AFAP1L1: variants seen among roughly 807,000 people sequenced by gnomAD.
AFAP1L1 encodes actin filament-associated protein 1-like 1.
A neutral mutation model predicts 99.8 loss-of-function variants in AFAP1L1; 77 were observed. The observed-to-expected ratio is 0.77, with a 90% confidence interval of 0.64 to 0.93. The LOEUF (loss-of-function observed/expected upper bound fraction) is 0.93. AFAP1L1 is among the 40% of genes least tolerant of loss of function. The probability of loss-of-function intolerance (pLI) is 0.00; values close to 1 mark genes in which losing one functional copy is unlikely to be tolerated. For missense variants in AFAP1L1, 893 were observed against 996.8 expected, an observed-to-expected ratio of 0.90 and a Z score of 1.40; for synonymous variants, 373 against 395.3, an observed-to-expected ratio of 0.94 and a Z score of 0.67.
rs756338041 is a variant in AFAP1L1 at position 149,332,883 on chromosome 5, G to A, written c.2154+10G>A. Reference sequence around the variant, plus strand: ...CAAGCCCAAGAGTGGGGTGAGTCCAGGCCCTTCCATGCCAGGGGCAGCTAC... The same window carrying A: ...CAAGCCCAAGAGTGGGGTGAGTCCAAGCCCTTCCATGCCAGGGGCAGCTAC... On this transcript the variant is annotated intron_variant, in intron 17 of 18. Coordinates refer to ENST00000296721, the MANE Select transcript of AFAP1L1 (RefSeq NM_152406.4). 18 of 1,563,264 alleles carry A rather than the reference G, an allele frequency of 1.2e-5. No homozygotes were observed. Among genetic ancestry groups the A allele is most frequent in the Non-Finnish European group, 1.6e-5 (18 of 1,158,188 alleles).
At position 149,310,017 on chromosome 5, in the gene AFAP1L1, T is replaced by G. The variant is rs777317173; in HGVS notation, c.809T>G (p.Ile270Ser). The change falls in exon 8 of 19, where the codon ATC becomes AGC. Residue 270 changes from isoleucine to serine, a missense_variant. Coordinates refer to ENST00000296721, the MANE Select transcript of AFAP1L1 (RefSeq NM_152406.4). Reference sequence around the variant, plus strand: ...AGGTTGGCACTGGATACCTGCAGCATCATCTACGTGCCCAAGGACAGCCGG... The same window carrying G: ...AGGTTGGCACTGGATACCTGCAGCAGCATCTACGTGCCCAAGGACAGCCGG... Reference protein sequence around the residue: ...HLRLALDTCSIIYVPKDSRHK... With the variant: ...HLRLALDTCSSIYVPKDSRHK... The G allele has an allele frequency of 5.0e-6, 8 of 1,614,088 alleles. No individual in the cohort carries two copies. In the South Asian group the frequency reaches 8.8e-5, roughly 18 times the overall value.
intron 1 of AFAP1L1, chr5:149,276,614 T>C (rs1755334783): frequency 6.6e-6 from 1 of 152,208 alleles, no homozygotes; most frequent in Non-Finnish European, 1.5e-5. Context: ...AACCTACAAA[T>C]AATACCTAGC....
chr5:149,328,350 G>A (rs1757152222), intron 15 of AFAP1L1, among the ~76,000 whole-genome samples: 1 of 152,178 alleles, frequency 6.6e-6, no homozygotes, highest in Non-Finnish European at 1.5e-5. Context: ...TCCCTAAGAG[G>A]TTGAACTATG....
In AFAP1L1 at chr5:149,340,337, G is replaced by T; in HGVS notation, c.*307G>T. 3.2e-6 allele frequency: 1 copy of T among 312,546 alleles called. No homozygotes were observed. Among genetic ancestry groups the T allele is most frequent in the East Asian group, 5.2e-5 (1 of 19,322 alleles). The allele number at this position is 312,546 out of a possible 1,614,324, so 19.4% of individuals were successfully genotyped here. The stretch of plus-strand genomic sequence containing the variant: ...GTCTTTGCCTTCCCTTCTGAGGAAG[G>T]GAAGAAGTAATGAAAGCACATGTGA... On this transcript the variant is annotated 3_prime_UTR_variant, in exon 19 of 19. Transcript: ENST00000296721.
intron 9 of AFAP1L1, 108 bp from the exon 10 acceptor site, chr5:149,315,713 C>G (rs993108038): frequency 1.1e-5 from 10 of 869,622 alleles, no homozygotes; most frequent in Non-Finnish European, 1.7e-5. Context: ...CATTTGTTAG[C>G]TAATTATCAT....
chr5:149,317,125 A>G (rs1256218935), intron 11 of AFAP1L1, among the ~76,000 whole-genome samples: 1 of 152,238 alleles, frequency 6.6e-6, no homozygotes, highest in African/African-American at 2.4e-5. Flanking sequence ...TGATAGAGAC[A>G]CTGTATTCCA....
chr5:149,272,089 CG>C, intron 1 of AFAP1L1, 105 bp downstream of exon 1: 3 of 376,426 alleles, frequency 8.0e-6, no homozygotes, highest in East Asian at 8.2e-5. Flanking sequence ...GGCGGTGGGG[CG>C]GGGGCTGAGG....
chr5:149,318,720 C>T (rs1272731063), intron 12 of AFAP1L1, among the ~76,000 whole-genome samples: 2 of 152,216 alleles, frequency 1.3e-5, no homozygotes, highest in African/African-American at 4.8e-5. Context: ...TTCCACATGG[C>T]AACCCTTTGG....
At chr5:149,329,596 G>A (rs1757192385) in intron 15 of AFAP1L1, 70 bp from the exon 16 acceptor site, 2 of 1,461,092 alleles carry the variant, frequency 1.4e-6, no homozygotes, top group Non-Finnish European at 1.8e-6. Context: ...TGAAAGAGAA[G>A]CTGACACCAC....
At chr5:149,301,410 C>T (rs1234840424) in intron 4 of AFAP1L1, among the ~76,000 whole-genome samples, 180 bp downstream of exon 4, 1 of 152,100 alleles carries the variant, frequency 6.6e-6, no homozygotes, top group Non-Finnish European at 1.5e-5. Context: ...GTGATGTGCT[C>T]GCTGTGTGTT....
intron 1 of AFAP1L1, among the ~76,000 whole-genome samples, chr5:149,292,822 G>A (rs1755900100): frequency 6.6e-6 from 1 of 152,238 alleles, no homozygotes; most frequent in African/African-American, 2.4e-5. Context: ...GCAAAGACAG[G>A]AGATGGGGGC....
intron 3 of AFAP1L1, among the ~76,000 whole-genome samples, chr5:149,300,581 A>C (rs1756169708): frequency 6.6e-6 from 1 of 152,268 alleles, no homozygotes; most frequent in African/African-American, 2.4e-5. Flanking sequence ...ATGACCATGC[A>C]GTCCAAAGAA....
At chr5:149,338,889 T>G (rs1041412895) in intron 18 of AFAP1L1, among the ~76,000 whole-genome samples, 1 of 152,034 alleles carries the variant, frequency 6.6e-6, no homozygotes, top group Non-Finnish European at 1.5e-5. Context: ...GTCCCTGAAG[T>G]GGGAAAAAGC....
chr5:149,307,171 C>T (rs1365672209), intron 6 of AFAP1L1, among the ~76,000 whole-genome samples: 3 of 151,940 alleles, frequency 2.0e-5, no homozygotes, highest in Non-Finnish European at 4.4e-5. Flanking sequence ...CGCTTGAATT[C>T]GGGAGGTAGA....
At chr5:149,278,748 T>C (rs1297248157) in intron 1 of AFAP1L1, among the ~76,000 whole-genome samples, 3 of 152,184 alleles carry the variant, frequency 2.0e-5, no homozygotes, top group Middle Eastern at 3.2e-3. Flanking sequence ...AGTAGGTGCT[T>C]ACTAATTGTT....
intron 15 of AFAP1L1, among the ~76,000 whole-genome samples, chr5:149,325,104 A>G (rs1757058309): frequency 1.3e-5 from 2 of 152,256 alleles, no homozygotes; most frequent in South Asian, 4.1e-4. Context: ...CTAGCAAAAC[A>G]GCAGTAGCTG....
intron 1 of AFAP1L1, among the ~76,000 whole-genome samples, chr5:149,274,582 A>G (rs1329590407): frequency 6.6e-6 from 1 of 152,228 alleles, no homozygotes; most frequent in Admixed American, 6.5e-5. Context: ...AAAACATGAG[A>G]CTTCAAGTAT....
rs1004045976 is a variant in AFAP1L1, at chr5:149,320,644, C to T, written c.1698+181C>T. Among the ~76,000 whole-genome samples the T allele has an allele frequency of 6.6e-6, 1 of 152,208 alleles. No individual in the cohort carries two copies. The highest frequency in any genetic ancestry group is 1.5e-5 in the Non-Finnish European group (1 of 68,044). On this transcript the variant is annotated intron_variant, in intron 14 of 18. Coordinates refer to ENST00000296721, the MANE Select transcript of AFAP1L1 (RefSeq NM_152406.4). The surrounding 1 kb of genome is among the most constrained non-coding windows in gnomAD (Gnocchi z 4.0). ...GATGAGGAATCCCTGGCACAGGAGG[C>T]TGGGTGGTGTGGTGGAAAGAGACCC...
chr5:149,297,473 A>G (rs1373792263), intron 1 of AFAP1L1, among the ~76,000 whole-genome samples: 1 of 152,194 alleles, frequency 6.6e-6, no homozygotes, highest in Non-Finnish European at 1.5e-5. Context: ...GACTGCTCAC[A>G]GATGTGCCCT....
Sources: allele counts gnomAD v4.1 joint callset (sites outside exome capture counted in the v4.1 genomes callset), GRCh38; gene constraint gnomAD v4.1.1; non-coding constraint Gnocchi (gnomAD v3.1); transcripts MANE v1.5; gene names NCBI Gene and HGNC (gene_info 2026-07-23, HGNC 2026-07-21).